The following UBE2E2 variants were observed in gnomAD, a reference collection of about 807,000 sequenced individuals.
UBE2E2 encodes ubiquitin conjugating enzyme E2 E2, also known as ubiquitin-conjugating enzyme E2 E2.
In UBE2E2, 6 loss-of-function variants were observed where a neutral mutation model predicts 24.7. That is an observed-to-expected ratio of 0.24 (90% confidence interval 0.13 to 0.48). The LOEUF (loss-of-function observed/expected upper bound fraction) is 0.48. Among genes scored for constraint, UBE2E2 ranks in the 20% least tolerant of loss-of-function variants. The pLI, the probability that UBE2E2 is intolerant of heterozygous loss-of-function variation, is 0.99. For synonymous variants in UBE2E2, 104 were observed against 83.6 expected (o/e 1.24, Z -1.33); for missense variants, 169 against 245.0 (o/e 0.69, Z 2.07).
chr3:23,459,852 G>T (rs1213141914), intron 3 of UBE2E2, among the ~76,000 whole-genome samples: 1 of 152,094 alleles, frequency 6.6e-6, no homozygotes, highest in African/African-American at 2.4e-5. Flanking sequence ...TCTGTGTAAT[G>T]AATTTAAATA....
intron 3 of UBE2E2, among the ~76,000 whole-genome samples, chr3:23,323,353 CT>C (rs1220133430): frequency 2.6e-5 from 4 of 152,116 alleles, no homozygotes; most frequent in African/African-American, 9.6e-5. Context: ...TGTCTTGTTT[CT>C]TCTAGGGAAT....
intron 2 of UBE2E2, among the ~76,000 whole-genome samples, chr3:23,213,279 T>C (rs909038034): frequency 9.9e-5 from 15 of 152,140 alleles, no homozygotes; most frequent in Non-Finnish European, 1.6e-4. Context: ...TGCTTCATTT[T>C]TCTGAACCCT....
intron 3 of UBE2E2, among the ~76,000 whole-genome samples, chr3:23,383,995 G>GTGTTT (rs759237633): frequency 1.5e-4 from 23 of 151,842 alleles, no homozygotes; most frequent in Non-Finnish European, 3.2e-4. Flanking sequence ...GTGATGGTTT[G>GTGTTT]TGTTTTGTTT....
chr3:23,575,189 G>A (rs1696321231), intron 5 of UBE2E2, among the ~76,000 whole-genome samples: 1 of 152,066 alleles, frequency 6.6e-6, no homozygotes, highest in East Asian at 1.9e-4. Flanking sequence ...TTTGTCTTTG[G>A]CTAAAAGAGA....
intron 5 of UBE2E2, among the ~76,000 whole-genome samples, chr3:23,588,476 G>A (rs1380109092): frequency 2.0e-5 from 3 of 149,580 alleles, no homozygotes; most frequent in Non-Finnish European, 4.4e-5. Flanking sequence ...GTATGTGGTG[G>A]CACGATCATA....
intron 3 of UBE2E2, among the ~76,000 whole-genome samples, chr3:23,409,031 A>G (rs1020208976): frequency 5.3e-5 from 8 of 152,132 alleles, no homozygotes. Context: ...CACCATGACA[A>G]GGGTGGTTCT....
At chr3:23,379,152 A>G (rs926780844) in intron 3 of UBE2E2, among the ~76,000 whole-genome samples, 2 of 152,216 alleles carry the variant, frequency 1.3e-5, no homozygotes, top group East Asian at 1.9e-4. Context: ...TTTAAAATAC[A>G]TAATTATGAA....
chr3:23,273,012 G>T lies in UBE2E2; in HGVS notation c.227+55700G>T, dbSNP rs146226729. Among the ~76,000 whole-genome samples, 30 of 152,212 alleles carry T rather than the reference G, an allele frequency of 2.0e-4. 1 individual carries two copies. The East Asian group carries it at 5.0e-3, about 26-fold the overall frequency. On this transcript the variant is annotated intron_variant, in intron 3 of 5. Transcript: ENST00000396703. ...GATTGGATAAGGGCGACTCACATTAGGGAGGGCAATTTGCTTCCAATTCAG... is the reference window on the plus strand; with the variant it reads ...GATTGGATAAGGGCGACTCACATTATGGAGGGCAATTTGCTTCCAATTCAG...
At chr3:23,493,732 A>C (rs1699546705) in intron 3 of UBE2E2, among the ~76,000 whole-genome samples, 2 of 152,302 alleles carry the variant, frequency 1.3e-5, no homozygotes, top group East Asian at 3.9e-4. Context: ...GCTATATCTA[A>C]ATATACATCA....
chr3:23,209,573 C>A (rs1253238453), intron 2 of UBE2E2, among the ~76,000 whole-genome samples: 1 of 152,194 alleles, frequency 6.6e-6, no homozygotes, highest in East Asian at 1.9e-4. Context: ...ATTTTATGTT[C>A]TTGCTTTGTT....
intron 2 of UBE2E2, among the ~76,000 whole-genome samples, chr3:23,216,171 C>G (rs1318530687): frequency 2.0e-5 from 3 of 152,202 alleles, no homozygotes; most frequent in Non-Finnish European, 4.4e-5. Flanking sequence ...TAGCCGTGCT[C>G]TGATTCATAA....
At chr3:23,389,007 A>G (rs1264324163) in intron 3 of UBE2E2, among the ~76,000 whole-genome samples, 1 of 138,616 alleles carries the variant, frequency 7.2e-6, no homozygotes, top group Non-Finnish European at 1.5e-5. Flanking sequence ...ATTTCCAAAA[A>G]AAAAAAAAAA....
At chr3:23,505,170 T>C (rs567994204) in intron 4 of UBE2E2, among the ~76,000 whole-genome samples, 26 of 151,166 alleles carry the variant, frequency 1.7e-4, no homozygotes, top group African/African-American at 6.1e-4. Context: ...GTCTGCGCAC[T>C]TTGGCCTCCC....
At chr3:23,511,755 A>T (rs1006925154) in intron 4 of UBE2E2, among the ~76,000 whole-genome samples, 1 of 152,234 alleles carries the variant, frequency 6.6e-6, no homozygotes, top group Non-Finnish European at 1.5e-5. Flanking sequence ...TATTTTCCAT[A>T]TAGAGTATTA....
At chr3:23,402,158 T>G (rs1697242609) in intron 3 of UBE2E2, among the ~76,000 whole-genome samples, 1 of 151,908 alleles carries the variant, frequency 6.6e-6, no homozygotes, top group African/African-American at 2.4e-5. Flanking sequence ...CCGACCCCAA[T>G]CTTATATTTG....
At chr3:23,412,196 T>C (rs773681366) in intron 3 of UBE2E2, among the ~76,000 whole-genome samples, 35 of 152,200 alleles carry the variant, frequency 2.3e-4, no homozygotes, top group Non-Finnish European at 5.0e-4. Flanking sequence ...TATGTAAATG[T>C]AGACCATAGT....
At chr3:23,550,072 CT>C (rs1054844407) in intron 5 of UBE2E2, among the ~76,000 whole-genome samples, 1 of 149,474 alleles carries the variant, frequency 6.7e-6, no homozygotes, top group Non-Finnish European at 1.5e-5. Context: ...AGCATAAAAT[CT>C]TTAGATAACT....
intron 5 of UBE2E2, among the ~76,000 whole-genome samples, chr3:23,566,512 A>T: frequency 6.6e-6 from 1 of 152,148 alleles, no homozygotes; most frequent in African/African-American, 2.4e-5. Flanking sequence ...ATAAAGAAAA[A>T]GTTTTATTTG....
intron 3 of UBE2E2, among the ~76,000 whole-genome samples, chr3:23,231,594 T>G (rs770914455): frequency 6.6e-6 from 1 of 152,230 alleles, no homozygotes; most frequent in Non-Finnish European, 1.5e-5. Context: ...ACAAATTCAA[T>G]TCTGACACTC....
Sources: gnomAD v4.1 joint callset for allele counts (sites outside exome capture counted in the v4.1 genomes callset) on GRCh38, gnomAD v4.1.1 for gene constraint, MANE v1.5 for transcripts, NCBI Gene and HGNC (gene_info 2026-07-23, HGNC 2026-07-21) for gene names.